SKI: variants seen among roughly 807,000 people sequenced by gnomAD.
The protein encoded by SKI is SKI proto-oncogene.
SKI carries 23 observed loss-of-function variants against 59.3 expected under a neutral mutation model. The observed-to-expected ratio is 0.39, with a 90% CI of 0.28 to 0.55. The LOEUF is 0.55. Ranked by LOEUF, SKI falls within the 20% of genes least tolerant of loss-of-function variation. The pLI is 0.67. For synonymous variants in SKI, 673 were observed against 488.6 expected (o/e 1.38, Z -4.98); for missense variants, 1,017 against 1,038.9 (o/e 0.98, Z 0.29).
chr1:2,306,661 C>G lies in SKI; in HGVS notation c.2083C>G (p.Arg695Gly), dbSNP rs1347331671. Reference sequence around the variant, plus strand: ...CGACCTGCTGCGGGAGCGCGAGGCCCGGGAGCACCTGGAGAAGGTGGTGAA... The same window carrying G: ...CGACCTGCTGCGGGAGCGCGAGGCCGGGGAGCACCTGGAGAAGGTGGTGAA... ...RADLLREREA[R>G]EHLEKVVKEL... The change falls in exon 7 of 7, where the codon CGG becomes GGG. Residue 695 changes from arginine to glycine, a missense_variant. Coordinates refer to ENST00000378536, the MANE Select transcript of SKI (RefSeq NM_003036.4). The G allele has an allele frequency of 1.9e-6, 3 of 1,544,974 alleles. No homozygotes were observed. Among genetic ancestry groups the G allele is most frequent in the Admixed American group, 2.0e-5 (1 of 50,872 alleles).
At position 2,228,906 on chromosome 1, in the gene SKI, A is replaced by G. The variant is rs1638564117; in HGVS notation, c.140A>G (p.Tyr47Cys). The G allele has an allele frequency of 2.8e-6, 4 of 1,412,346 alleles. No homozygotes were observed. The highest frequency in any genetic ancestry group is 2.4e-4 in the Middle Eastern group (1 of 4,144). The allele number at this position is 1,412,346 out of a possible 1,614,324, so 87.5% of individuals were successfully genotyped here. ...TCGGCGCGCTGGGCGCAGGAGGCCT[A>G]CAAGAAGGAGAGCGCCAAGGAGGCG... is the stretch of plus-strand genomic sequence containing the variant. ...AFSARWAQEA[Y>C]KKESAKEAGA... The change falls in exon 1 of 7, where the codon TAC becomes TGC. Residue 47 changes from tyrosine (Y) to cysteine (C), a missense_variant. By Grantham distance (194) the Tyr-to-Cys change is radical (BLOSUM62 -2). Coordinates refer to ENST00000378536, the MANE Select transcript of SKI (RefSeq NM_003036.4).
At chr1:2,233,147 C>G (rs987967101) in intron 1 of SKI, among the ~76,000 whole-genome samples, 1 of 151,828 alleles carries the variant, frequency 6.6e-6, no homozygotes, top group African/African-American at 2.4e-5. Flanking sequence ...AGGGTGGTGC[C>G]GTGCTTCCCT....
chr1:2,231,780 C>T (rs974487030), intron 1 of SKI, among the ~76,000 whole-genome samples: 8 of 152,210 alleles, frequency 5.3e-5, no homozygotes, highest in East Asian at 1.9e-4. Flanking sequence ...CCAGCTCCTG[C>T]GGGTTTTCCT....
chr1:2,280,248 G>A (rs1453265049), intron 1 of SKI, among the ~76,000 whole-genome samples: 1 of 151,880 alleles, frequency 6.6e-6, no homozygotes, highest in East Asian at 1.9e-4. Flanking sequence ...TGTGGCAGGT[G>A]CCTGTAGTCC....
chr1:2,228,776 G>C lies in SKI; in HGVS notation c.10G>C (p.Ala4Pro), dbSNP rs1638560343. The change falls in exon 1 of 7, where the codon GCG becomes CCG. Residue 4 changes from alanine to proline, a missense_variant. By Grantham distance (27) the Ala-to-Pro change is conservative (BLOSUM62 -1). Coordinates refer to ENST00000378536, the MANE Select transcript of SKI (RefSeq NM_003036.4). MEA[A>P]AGGRGCFQPH... ...GGAGCCGGAGCGCACCATGGAGGCGGCGGCAGGCGGCCGCGGCTGTTTCCA... is the reference window on the plus strand; with the variant it reads ...GGAGCCGGAGCGCACCATGGAGGCGCCGGCAGGCGGCCGCGGCTGTTTCCA... 7.8e-7 allele frequency: 1 copy of C among 1,284,644 alleles called. No individual in the cohort carries two copies. The highest frequency in any genetic ancestry group is 1.6e-5 in the African/African-American group (1 of 64,026). The allele number at this position is 1,284,644 out of a possible 1,614,324, so 79.6% of individuals were successfully genotyped here.
chr1:2,302,481 G>T (rs1479842000), intron 1 of SKI, among the ~76,000 whole-genome samples: 1 of 152,206 alleles, frequency 6.6e-6, no homozygotes, highest in Non-Finnish European at 1.5e-5. Context: ...CTGTGCCGCA[G>T]CTGCCCTTCC....
chr1:2,269,160 T>C lies in SKI; in HGVS notation c.970-33818T>C, dbSNP rs1639563111. Among the ~76,000 whole-genome samples the C allele has an allele frequency of 6.6e-6, 1 of 152,172 alleles. No homozygotes were observed. The highest frequency in any genetic ancestry group is 2.4e-5 in the African/African-American group (1 of 41,426). The stretch of plus-strand genomic sequence containing the variant: ...TGGGGTCTCGCCATGTTGTCCAGGC[T>C]GGTCTAGAACTCCTGGGCTCAAGCG... On this transcript the variant is annotated intron_variant, in intron 1 of 6. Coordinates refer to ENST00000378536, the MANE Select transcript of SKI (RefSeq NM_003036.4). This position sits in a 1 kb window ranked among gnomAD's most constrained non-coding sequence, Gnocchi z 4.7.
In SKI at chr1:2,245,788, C is replaced by CTTTTTTTT. The variant is rs766445644; in HGVS notation, c.969+16072_969+16079dup. On this transcript the variant is annotated intron_variant, in intron 1 of 6. Coordinates refer to ENST00000378536, the MANE Select transcript of SKI (RefSeq NM_003036.4). The stretch of plus-strand genomic sequence containing the variant: ...ACTGCACCTGGCCCTATTTTTCCTT[C>CTTTTTTTT]TTTTTTTTTTTTTTTTTTTTTTTTT... Among the ~76,000 whole-genome samples the CTTTTTTTT allele has an allele frequency of 9.7e-4, 68 of 70,376 alleles. 11 individuals are homozygous for CTTTTTTTT. Among genetic ancestry groups the CTTTTTTTT allele is most frequent in the African/African-American group, 2.0e-3 (34 of 17,124 alleles). The allele number at this position is 70,376 out of a possible 152,430, so 46.2% of individuals were successfully genotyped here. A position where few individuals can be genotyped will look rare whatever the true frequency, so the allele number is the denominator to read the frequency against.
At chr1:2,255,723 C>T (rs181455270) in intron 1 of SKI, among the ~76,000 whole-genome samples, 26 of 150,652 alleles carry the variant, frequency 1.7e-4, no homozygotes, top group Admixed American at 2.6e-4. Context: ...CATGCTGTAT[C>T]CTGATATCAT....
chr1:2,271,990 T>C (rs576056972), intron 1 of SKI, among the ~76,000 whole-genome samples: 2 of 152,246 alleles, frequency 1.3e-5, no homozygotes, highest in Admixed American at 1.3e-4. Context: ...GCTGTTCTCC[T>C]CTGGGAGGAC....
intron 1 of SKI, among the ~76,000 whole-genome samples, chr1:2,283,255 G>A (rs1639951321): frequency 6.6e-6 from 1 of 152,208 alleles, no homozygotes; most frequent in Non-Finnish European, 1.5e-5. Flanking sequence ...CCCCACTTCT[G>A]CGCCAGGCCT....
chr1:2,230,273 C>T (rs112280374), intron 1 of SKI, among the ~76,000 whole-genome samples: 31 of 152,232 alleles, frequency 2.0e-4, no homozygotes, highest in African/African-American at 7.2e-4. Context: ...CTCCCGCTCC[C>T]TGTTTGGTGC....
rs1639650114 is a variant in SKI at position 2,272,640 on chromosome 1, C to G, written c.970-30338C>G. On this transcript the variant is annotated intron_variant, in intron 1 of 6. Transcript: ENST00000378536. ...GCATTGTAATTGATTGCCAAGAACC[C>G]CTGAAATTAAATACAACCATGTATT... Among the ~76,000 whole-genome samples, 4 of 152,332 alleles carry G rather than the reference C, an allele frequency of 2.6e-5. No individual in the cohort carries two copies. In the South Asian group the frequency reaches 8.3e-4, roughly 32 times the overall value.
chr1:2,274,346 C>T (rs565510282), intron 1 of SKI, among the ~76,000 whole-genome samples: 1 of 152,310 alleles, frequency 6.6e-6, no homozygotes, highest in Admixed American at 6.5e-5. Context: ...CTTCTCTCTG[C>T]ATTTCAGCCA....
chr1:2,295,261 C>T (rs959973909), intron 1 of SKI, among the ~76,000 whole-genome samples: 10 of 152,282 alleles, frequency 6.6e-5, no homozygotes, highest in South Asian at 2.1e-4. Flanking sequence ...GCCAGCCGAG[C>T]GCCCCTCTGG....
chr1:2,244,972 T>C (rs991375358), intron 1 of SKI, among the ~76,000 whole-genome samples: 1 of 152,094 alleles, frequency 6.6e-6, no homozygotes, highest in Admixed American at 6.5e-5. Context: ...AACTGGAAGA[T>C]CTAACAATAA....
At position 2,229,333 on chromosome 1, in the gene SKI, G is replaced by A; in HGVS notation, c.567G>A (p.Leu189=). 2 of 1,595,594 alleles carry A rather than the reference G, an allele frequency of 1.3e-6. No individual in the cohort carries two copies. Among genetic ancestry groups the A allele is most frequent in the Non-Finnish European group, 8.5e-7 (1 of 1,171,640 alleles). ...KTDAERLCNA[L]LYGGAYPPPC... ...ACGCCGAGCGCCTGTGCAACGCGCT[G>A]CTCTACGGCGGCGCCTACCCGCCGC... The change falls in exon 1 of 7, where the codon CTG becomes CTA. Residue 189 remains leucine, a synonymous_variant. Coordinates refer to ENST00000378536, the MANE Select transcript of SKI (RefSeq NM_003036.4). The surrounding 1 kb of genome is among the most constrained non-coding windows in gnomAD (Gnocchi z 6.3).
chr1:2,244,274 A>G (rs1276861506), intron 1 of SKI, among the ~76,000 whole-genome samples: 1 of 150,842 alleles, frequency 6.6e-6, no homozygotes. Context: ...CCTCCTGACA[A>G]CTTTTAAGAT....
At chr1:2,261,967 G>A (rs370888752) in intron 1 of SKI, among the ~76,000 whole-genome samples, 2 of 117,512 alleles carry the variant, frequency 1.7e-5, no homozygotes, top group African/African-American at 3.2e-5. Context: ...TGATCTCCTG[G>A]TCTGGAAGGC....
Sources: allele counts gnomAD v4.1 joint callset (sites outside exome capture counted in the v4.1 genomes callset), GRCh38; gene constraint gnomAD v4.1.1; non-coding constraint Gnocchi (gnomAD v3.1); transcripts MANE v1.5; gene names NCBI Gene and HGNC (gene_info 2026-07-23, HGNC 2026-07-21).